Variants in ADGRB1 observed in about 807,000 individuals in gnomAD.
ADGRB1 encodes the protein adhesion G protein-coupled receptor B1.
In ADGRB1, 36 loss-of-function variants were observed where a neutral mutation model predicts 175.7. That is an observed-to-expected ratio of 0.20 (90% confidence interval 0.16 to 0.27). The LOEUF (loss-of-function observed/expected upper bound fraction) is 0.27, where lower values mean the gene tolerates loss of function less well. ADGRB1 is among the 10% of genes least tolerant of loss of function. The pLI, the probability that ADGRB1 is intolerant of heterozygous loss-of-function variation, is 1.00. For missense variants in ADGRB1, 1,731 were observed against 2,255.3 expected, an observed-to-expected ratio of 0.77 and a Z score of 4.71; for synonymous variants, 1,054 against 979.4, an observed-to-expected ratio of 1.08 and a Z score of -1.42.
chr8:142,538,003 A>G (rs1845042476), intron 26 of ADGRB1, among the ~76,000 whole-genome samples: 1 of 152,116 alleles, frequency 6.6e-6, no homozygotes, highest in Non-Finnish European at 1.5e-5. Context: ...TCCACCCTCT[A>G]GGCCTCAGGA....
At chr8:142,519,848 G>GTTAC (rs1843670416) in intron 19 of ADGRB1, among the ~76,000 whole-genome samples, 1 of 150,888 alleles carries the variant, frequency 6.6e-6, no homozygotes, top group Non-Finnish European at 1.5e-5. Context: ...TGGTAGTGAT[G>GTTAC]GTAATGGTCG....
In ADGRB1 at chr8:142,492,230, C is replaced by G. The variant is rs535294338; in HGVS notation, c.2675+1415C>G. On this transcript the variant is annotated intron_variant, in intron 17 of 30. Coordinates refer to ENST00000517894, the MANE Select transcript of ADGRB1 (RefSeq NM_001702.3). The surrounding 1 kb of genome is among the most constrained non-coding windows in gnomAD (Gnocchi z 4.4). ...ACCACCCATCCACCGCTCCTCCGTCCGCCTGTTCTTTAATCCATCCGCCCA... is the reference window on the plus strand; with the variant it reads ...ACCACCCATCCACCGCTCCTCCGTCGGCCTGTTCTTTAATCCATCCGCCCA... Among the ~76,000 whole-genome samples the G allele has an allele frequency of 1.3e-5, 2 of 152,154 alleles. No individual in the cohort carries two copies. Among genetic ancestry groups the G allele is most frequent in the African/African-American group, 2.4e-5 (1 of 41,418 alleles).
chr8:142,470,637 G>A (rs778099129), intron 2 of ADGRB1, among the ~76,000 whole-genome samples: 56 of 152,136 alleles, frequency 3.7e-4, no homozygotes, highest in Non-Finnish European at 6.6e-4. Flanking sequence ...TCCTCTGTGT[G>A]CCCACAGGGA....
Position 142,479,679 on chromosome 8 carries a change from G to A in ADGRB1, c.1727-14G>A, listed in dbSNP as rs1334099552. ...GTACCCCTTCCTGAACCCCTGTCCC[G>A]GGCCCCTTGGCAGAGCCCCATGAGA... is the stretch of plus-strand genomic sequence containing the variant. On this transcript the variant is annotated splice_polypyrimidine_tract_variant and intron_variant, in intron 8 of 30. Transcript: ENST00000517894. 1.9e-6 allele frequency: 3 copies of A among 1,610,638 alleles called. No homozygotes were observed. The highest frequency in any genetic ancestry group is 2.5e-6 in the Non-Finnish European group (3 of 1,178,050).
At chr8:142,473,690 C>T (rs1460067660) in intron 2 of ADGRB1, among the ~76,000 whole-genome samples, 1 of 152,230 alleles carries the variant, frequency 6.6e-6, no homozygotes, top group African/African-American at 2.4e-5. Context: ...TCTCTGGGAC[C>T]TGTGGGAGTA....
intron 17 of ADGRB1, among the ~76,000 whole-genome samples, chr8:142,499,674 G>C (rs1459735138): frequency 2.6e-5 from 4 of 152,336 alleles, no homozygotes. Flanking sequence ...CTCAGGCCCT[G>C]GGCCTCCGGG....
intron 17 of ADGRB1, among the ~76,000 whole-genome samples, chr8:142,502,427 T>TGGTGATGATGG (rs1842648785): frequency 2.2e-5 from 1 of 46,092 alleles, no homozygotes; most frequent in Non-Finnish European, 4.6e-5. Context: ...GTGATGGTGG[T>TGGTGATGATGG]GGTGGTGGTA....
At chr8:142,459,725 T>C (rs1466665523) in intron 1 of ADGRB1, among the ~76,000 whole-genome samples, 7 of 152,212 alleles carry the variant, frequency 4.6e-5, no homozygotes, top group Non-Finnish European at 1.0e-4. Flanking sequence ...CACACACGTA[T>C]GCACACATGC....
Position 142,481,521 on chromosome 8 carries a change from G to T in ADGRB1, c.1940G>T (p.Arg647Leu), listed in dbSNP as rs762755930. The T allele has an allele frequency of 6.3e-7, 1 of 1,578,588 alleles. No homozygotes were observed. Among genetic ancestry groups the T allele is most frequent in the South Asian group, 1.1e-5 (1 of 87,034 alleles). The change falls in exon 11 of 31, where the codon CGG becomes CTG. Residue 647 changes from arginine to leucine, a missense_variant. By Grantham distance (102) the Arg-to-Leu change is moderately radical. Around this residue, in one of 8 missense-constraint regions of ADGRB1, gnomAD observed 388 missense variants for 630.9 expected, o/e 0.61. Transcript: ENST00000517894. ...IDYRNIQMMT[R>L]EHLAKAQRGL... ...CGCCCTCTCTGTCTTCCGCAGACCC[G>T]GGAGCACCTGGCCAAGGCTCAGCGA... is the stretch of plus-strand genomic sequence containing the variant.
At chr8:142,456,574 G>A (rs1013006798) in intron 1 of ADGRB1, among the ~76,000 whole-genome samples, 39 of 152,080 alleles carry the variant, frequency 2.6e-4, no homozygotes, top group African/African-American at 8.7e-4. Context: ...CTCACCACAC[G>A]CACACACGCA....
At chr8:142,517,130 G>A (rs961665820) in intron 18 of ADGRB1, among the ~76,000 whole-genome samples, 13 of 152,186 alleles carry the variant, frequency 8.5e-5, no homozygotes, top group Non-Finnish European at 1.6e-4. Context: ...GAACCAGGGG[G>A]CCTGGGGGGC....
intron 24 of ADGRB1, 144 bp from the exon 25 acceptor site, chr8:142,533,151 A>G: frequency 1.1e-6 from 1 of 921,258 alleles, no homozygotes; most frequent in Non-Finnish European, 1.6e-6. Flanking sequence ...CCCAGAGAGG[A>G]AGGGCTGCTT....
chr8:142,544,230 A>C lies in ADGRB1; in HGVS notation c.4568A>C (p.Gln1523Pro). 1 of 1,548,804 alleles carries C rather than the reference A, an allele frequency of 6.5e-7. No homozygotes were observed. The highest frequency in any genetic ancestry group is 2.4e-5 in the East Asian group (1 of 40,890). ...VLGPDSKPEK[Q>P]QTPNKRPWES... Reference sequence around the variant, plus strand: ...CGGGCCACCCAGCAGCCGGAAAAGCAGCAGACGCCCAACAAGAGGCCCTGG... The same window carrying C: ...CGGGCCACCCAGCAGCCGGAAAAGCCGCAGACGCCCAACAAGAGGCCCTGG... The change falls in exon 31 of 31, where the codon CAG becomes CCG. Residue 1523 changes from glutamine (Q) to proline (P), a missense_variant. Transcript: ENST00000517894.
At chr8:142,490,878 A>C in intron 17 of ADGRB1, 63 bp downstream of exon 17, 1 of 1,534,220 alleles carries the variant, frequency 6.5e-7, no homozygotes, top group South Asian at 1.2e-5. Context: ...AGGCTGGCCC[A>C]GTAGGGGAGG....
chr8:142,543,921 C>T lies in ADGRB1; in HGVS notation c.4557+213C>T, dbSNP rs897147751. ...ATACTGGGAGCTGAGCGGTCACGAG[C>T]CTGCTCCTGGGGCCAGGGGTCTGGA... On this transcript the variant is annotated intron_variant, in intron 30 of 30. Transcript: ENST00000517894. This position sits in a 1 kb window ranked among gnomAD's most constrained non-coding sequence, Gnocchi z 4.4. 2.6e-5 allele frequency among the ~76,000 whole-genome samples: 4 copies of T among 152,146 alleles called. No individual in the cohort carries two copies. The East Asian group carries it at 7.7e-4, about 29-fold the overall frequency.
Position 142,510,362 on chromosome 8 carries a change from G to A in ADGRB1, c.2676-570G>A, listed in dbSNP as rs561709197. Reference sequence around the variant, plus strand: ...AGGCACCAGGGGTGATGAGGCCCGGGGGAGGTGGATGTGGGGGATGGAGCG... The same window carrying A: ...AGGCACCAGGGGTGATGAGGCCCGGAGGAGGTGGATGTGGGGGATGGAGCG... On this transcript the variant is annotated intron_variant, in intron 17 of 30. Coordinates refer to ENST00000517894, the MANE Select transcript of ADGRB1 (RefSeq NM_001702.3). The surrounding 1 kb of genome is among the most constrained non-coding windows in gnomAD (Gnocchi z 6.3). 1.2e-4 allele frequency among the ~76,000 whole-genome samples: 18 copies of A among 152,058 alleles called. 1 individual carries two copies. The South Asian group carries it at 3.7e-3, about 31-fold the overall frequency.
At position 142,511,837 on chromosome 8, in the gene ADGRB1, G is replaced by T. The variant is rs1029048884; in HGVS notation, c.2817+764G>T. Among the ~76,000 whole-genome samples, 1 of 152,252 alleles carries T rather than the reference G, an allele frequency of 6.6e-6. No individual in the cohort carries two copies. The highest frequency in any genetic ancestry group is 1.5e-5 in the Non-Finnish European group (1 of 68,044). On this transcript the variant is annotated intron_variant, in intron 18 of 30. Coordinates refer to ENST00000517894, the MANE Select transcript of ADGRB1 (RefSeq NM_001702.3). The surrounding 1 kb of genome is among the most constrained non-coding windows in gnomAD (Gnocchi z 4.5). Reference sequence around the variant, plus strand: ...AGGCCCAGGACAGCCCACAGAGCAGGAAAGGGCCTTGGGCGTGTGCTCACC... The same window carrying T: ...AGGCCCAGGACAGCCCACAGAGCAGTAAAGGGCCTTGGGCGTGTGCTCACC...
In ADGRB1 at chr8:142,533,485, G is replaced by T; in HGVS notation, c.3570+19G>T. On this transcript the variant is annotated intron_variant, in intron 25 of 30. Coordinates refer to ENST00000517894, the MANE Select transcript of ADGRB1 (RefSeq NM_001702.3). ...TAGAGAGGTGGGTGAGGCAGCCTCT[G>T]TCGGGCCGGGCTCCTGCGGGGTCCT... 1.9e-6 allele frequency: 3 copies of T among 1,576,122 alleles called. No homozygotes were observed. In the South Asian group the frequency reaches 3.4e-5, roughly 18 times the overall value.
At chr8:142,491,484 G>A (rs1189709008) in intron 17 of ADGRB1, among the ~76,000 whole-genome samples, 1 of 152,200 alleles carries the variant, frequency 6.6e-6, no homozygotes, top group Non-Finnish European at 1.5e-5. Context: ...AGAGAAGCTC[G>A]CCCAGTCACA....
Sources: gnomAD v4.1 joint callset for allele counts (sites outside exome capture counted in the v4.1 genomes callset) on GRCh38, gnomAD v4.1.1 for gene constraint, gnomAD v4.1.1 regional missense constraint, Gnocchi (gnomAD v3.1) non-coding constraint, MANE v1.5 for transcripts, NCBI Gene and HGNC (gene_info 2026-07-23, HGNC 2026-07-21) for gene names.